SMC6: variants seen among roughly 807,000 people sequenced by gnomAD.
SMC6 encodes structural maintenance of chromosomes protein 6.
Under a neutral mutation model 142.2 loss-of-function variants are expected in SMC6, and 79 were observed. The observed-to-expected ratio is 0.56, with a 90% confidence interval of 0.46 to 0.67. The LOEUF (loss-of-function observed/expected upper bound fraction) is 0.67. Ranked by LOEUF, SMC6 falls within the 30% of genes least tolerant of loss-of-function variation. SMC6 has a pLI of 0.00. For missense variants in SMC6, 1,072 were observed against 1,284.0 expected (o/e 0.83, Z 2.52); for synonymous variants, 411 against 412.4 (o/e 1.00, Z 0.04).
rs1245746200 is a variant in SMC6, at chr2:17,731,790, T to C, written c.432A>G (p.Gln144=). 1 of 1,613,742 alleles carries C rather than the reference T, an allele frequency of 6.2e-7. No individual in the cohort carries two copies. Among genetic ancestry groups the C allele is most frequent in the Non-Finnish European group, 8.5e-7 (1 of 1,179,858 alleles). The part of the protein sequence containing the change: ...SVYGNSILIQ[Q]HISIDGSRSY... ...ATCGACTTCCATCTATGCTGATGTG[T>C]TGCTGTATAAGTATAGAGTTACCAT... The change falls in exon 6 of 28, where the codon CAA becomes CAG. Residue 144 remains glutamine (Q), a synonymous_variant. Coordinates refer to ENST00000448223, the MANE Select transcript of SMC6 (RefSeq NM_001142286.2).
rs1175563943 is a variant in SMC6 at position 17,707,226 on chromosome 2, C to T, written c.1999G>A (p.Glu667Lys). Residue 667 changes from glutamate to lysine, a missense_variant, in exon 18 of 28, where the codon GAA becomes AAA. Around this residue, in one of 3 missense-constraint regions of SMC6, gnomAD observed 994 missense variants for 1,153.2 expected, o/e 0.86. Coordinates refer to ENST00000448223, the MANE Select transcript of SMC6 (RefSeq NM_001142286.2). The stretch of plus-strand genomic sequence containing the variant: ...GCTAAACTTGACTCTAACCTTATTT[C>T]AGAATCCACATCTCTGCTTAGGAAC... ...PKFLSRDVDS[E>K]ISDLENEVEN... 4.4e-6 allele frequency: 7 copies of T among 1,579,296 alleles called. No individual in the cohort carries two copies. Among genetic ancestry groups the T allele is most frequent in the Non-Finnish European group, 6.0e-6 (7 of 1,165,762 alleles).
chr2:17,688,667 A>G (rs1667568538), intron 23 of SMC6, among the ~76,000 whole-genome samples: 1 of 152,224 alleles, frequency 6.6e-6, no homozygotes, highest in Non-Finnish European at 1.5e-5. Context: ...ACATTTCCAA[A>G]TCAAGTCAAT....
intron 18 of SMC6, among the ~76,000 whole-genome samples, chr2:17,706,713 C>T (rs902885870): frequency 1.3e-5 from 2 of 152,020 alleles, no homozygotes; most frequent in African/African-American, 2.4e-5. Context: ...AATAGTTTTT[C>T]GTTTAACTTC....
rs374459167 is a variant in SMC6 at position 17,715,355 on chromosome 2, G to A, written c.1526-290C>T. Among the ~76,000 whole-genome samples the A allele has an allele frequency of 4.1e-4, 62 of 151,776 alleles. 1 individual carries two copies. In the East Asian group the frequency reaches 0.011, roughly 27 times the overall value. ...TTGTCCCACTCTAATGTAAATCAACGGTGGCTTTTCTATGTTCAGTTTATA... is the reference window on the plus strand; with the variant it reads ...TTGTCCCACTCTAATGTAAATCAACAGTGGCTTTTCTATGTTCAGTTTATA... On this transcript the variant is annotated intron_variant, in intron 15 of 27. Transcript: ENST00000448223.
chr2:17,677,651 T>A (rs1202416256), intron 25 of SMC6, among the ~76,000 whole-genome samples: 1 of 152,184 alleles, frequency 6.6e-6, no homozygotes, highest in African/African-American at 2.4e-5. Flanking sequence ...TTTTTTATAG[T>A]CTGCAGTGAG....
intron 23 of SMC6, among the ~76,000 whole-genome samples, chr2:17,693,261 T>G (rs938377580): frequency 6.6e-6 from 1 of 152,052 alleles, no homozygotes; most frequent in Admixed American, 6.5e-5. Context: ...TGTATGTTTA[T>G]TGCGGCACTA....
chr2:17,684,784 C>T (rs1175655032), intron 23 of SMC6, among the ~76,000 whole-genome samples: 1 of 152,128 alleles, frequency 6.6e-6, no homozygotes, highest in Non-Finnish European at 1.5e-5. Flanking sequence ...CATGATTGTA[C>T]CACTGCACTC....
Position 17,731,193 on chromosome 2 carries a change from A to G in SMC6, c.482-54T>C, listed in dbSNP as rs1669899320. The G allele has an allele frequency of 2.5e-6, 3 of 1,200,208 alleles. No individual in the cohort carries two copies. In the African/African-American group the frequency reaches 4.6e-5, roughly 18 times the overall value. 74.3% of individuals were successfully genotyped at this position (1,200,208 alleles called of 1,614,324 possible). ...AAACTGTTTCTAGGGCATAACACAG[A>G]AAAAATGTATAGTTACTTACAAAAT... On this transcript the variant is annotated intron_variant, in intron 6 of 27. Coordinates refer to ENST00000448223, the MANE Select transcript of SMC6 (RefSeq NM_001142286.2).
intron 8 of SMC6, among the ~76,000 whole-genome samples, chr2:17,725,619 T>C (rs987821075): frequency 2.6e-5 from 4 of 152,128 alleles, no homozygotes; most frequent in Non-Finnish European, 4.4e-5. Context: ...CAGGGTGTGG[T>C]AATAAGCTCA....
At chr2:17,753,501 G>C (rs1414651565) in intron 1 of SMC6, 125 bp downstream of exon 1, 1 of 152,368 alleles carries the variant, frequency 6.6e-6, no homozygotes, top group Admixed American at 6.5e-5. Context: ...GGACGACCAT[G>C]AACACCGCCG....
In SMC6 at chr2:17,696,348, G is replaced by A; in HGVS notation, c.2473C>T (p.His825Tyr). The A allele has an allele frequency of 6.2e-7, 1 of 1,610,748 alleles. No homozygotes were observed. Among genetic ancestry groups the A allele is most frequent in the Non-Finnish European group, 8.5e-7 (1 of 1,179,166 alleles). Residue 825 changes from histidine to tyrosine, a missense_variant, in exon 22 of 28, where the codon CAC becomes TAC. Physicochemically the swap from His to Tyr is moderately conservative, Grantham distance 83. Transcript: ENST00000448223. Reference sequence around the variant, plus strand: ...TTCTTTTTATTTAAGGTATCCAAGTGTTCTTTTTGTTTTTCTTCATAATGT... The same window carrying A: ...TTCTTTTTATTTAAGGTATCCAAGTATTCTTTTTGTTTTTCTTCATAATGT... The part of the protein sequence containing the change: ...KRHYEEKQKE[H>Y]LDTLNKKKRE...
chr2:17,691,384 CTTCA>C (rs1425918863), intron 23 of SMC6, among the ~76,000 whole-genome samples: 1 of 148,486 alleles, frequency 6.7e-6, no homozygotes, highest in Non-Finnish European at 1.5e-5. Context: ...ATTTTTCTTT[CTTCA>C]TTCATTAATG....
chr2:17,698,757 C>T (rs1380599602), intron 21 of SMC6, among the ~76,000 whole-genome samples: 1 of 152,056 alleles, frequency 6.6e-6, no homozygotes, highest in East Asian at 1.9e-4. Context: ...CATCTGTCTT[C>T]TCTTTCCTGC....
chr2:17,697,039 G>A (rs549471589), intron 21 of SMC6, among the ~76,000 whole-genome samples: 1 of 152,092 alleles, frequency 6.6e-6, no homozygotes, highest in South Asian at 2.1e-4. Context: ...CTCAAAGGAA[G>A]GACATAAAGA....
In SMC6 at chr2:17,718,096, C is replaced by A; in HGVS notation, c.1073G>T (p.Arg358Met). The part of the protein sequence containing the change: ...ALKADVVAKK[R>M]AYNEAEVLYN... The stretch of plus-strand genomic sequence containing the variant: ...TCTCACCTCAGCTTCATTATAGGCC[C>A]TTTTCTTAGCAACAACATCTGCTTT... Residue 358 changes from arginine to methionine, a missense_variant, in exon 12 of 28, where the codon AGG (arginine) becomes ATG (methionine). By Grantham distance (91) the Arg-to-Met change is moderately conservative. Around this residue, in one of 3 missense-constraint regions of SMC6, gnomAD observed 994 missense variants for 1,153.2 expected, o/e 0.86. Coordinates refer to ENST00000448223, the MANE Select transcript of SMC6 (RefSeq NM_001142286.2). 6.2e-7 allele frequency: 1 copy of A among 1,609,044 alleles called. No homozygotes were observed. The highest frequency in any genetic ancestry group is 8.5e-7 in the Non-Finnish European group (1 of 1,177,378).
intron 4 of SMC6, among the ~76,000 whole-genome samples, chr2:17,739,891 C>T (rs996885069): frequency 7.5e-6 from 1 of 133,180 alleles, no homozygotes; most frequent in African/African-American, 3.0e-5. Flanking sequence ...CACACACACA[C>T]ACACACACAC....
At chr2:17,697,668 A>G (rs549319677) in intron 21 of SMC6, among the ~76,000 whole-genome samples, 1 of 152,234 alleles carries the variant, frequency 6.6e-6, no homozygotes, top group East Asian at 1.9e-4. Flanking sequence ...ACTCACTAGC[A>G]TGGTTAAAAT....
chr2:17,729,741 T>G (rs1437159467), intron 7 of SMC6, among the ~76,000 whole-genome samples: 1 of 152,250 alleles, frequency 6.6e-6, no homozygotes, highest in Non-Finnish European at 1.5e-5. Flanking sequence ...TTTTAAGAAT[T>G]ATTTTTCCTA....
intron 25 of SMC6, among the ~76,000 whole-genome samples, chr2:17,677,218 A>T (rs1432078760): frequency 6.6e-6 from 1 of 152,092 alleles, no homozygotes; most frequent in Non-Finnish European, 1.5e-5. Flanking sequence ...TATTTCACTA[A>T]AGAGGGGCCC....
Sources: allele counts gnomAD v4.1 joint callset (sites outside exome capture counted in the v4.1 genomes callset), GRCh38; gene constraint gnomAD v4.1.1; regional missense constraint gnomAD v4.1.1; transcripts MANE v1.5; gene names NCBI Gene and HGNC (gene_info 2026-07-23, HGNC 2026-07-21).